COL28A1: variants seen among roughly 807,000 people sequenced by gnomAD.
The protein encoded by COL28A1 is collagen alpha-1(XXVIII) chain.
In COL28A1, 161 loss-of-function variants were observed where a neutral mutation model predicts 150.2. That is an observed-to-expected ratio of 1.07 (90% CI 0.94 to 1.22). The LOEUF (loss-of-function observed/expected upper bound fraction) is 1.22. Ranked by LOEUF, COL28A1 falls within the 50% of genes most tolerant of loss-of-function variation. The probability of loss-of-function intolerance (pLI) is 0.00; values close to 1 mark genes in which losing one functional copy is unlikely to be tolerated. For missense variants in COL28A1, 1,617 were observed against 1,388.3 expected (o/e 1.16, Z -2.62); for synonymous variants, 552 against 469.7 (o/e 1.18, Z -2.26).
rs1295770317 is a variant in COL28A1 at position 7,373,418 on chromosome 7, G to C, written c.2488C>G (p.Leu830Val). The C allele has an allele frequency of 6.2e-7, 1 of 1,614,142 alleles. No individual in the cohort carries two copies. The highest frequency in any genetic ancestry group is 1.7e-5 in the Admixed American group (1 of 60,016). ...FVKTMADRVA[L>V]DLATARIGII... is the part of the protein sequence containing the mutation. ...CCTATGCGGGCCGTGGCAAGGTCCAGAGCAACCCGGTCAGCCATAGTCTTC... is the reference window on the plus strand; with the variant it reads ...CCTATGCGGGCCGTGGCAAGGTCCACAGCAACCCGGTCAGCCATAGTCTTC... Residue 830 changes from leucine to valine, a missense_variant, in exon 32 of 35, where the codon CTG becomes GTG. Coordinates refer to ENST00000399429, the MANE Select transcript of COL28A1 (RefSeq NM_001037763.3). The surrounding 1 kb of genome is among the most constrained non-coding windows in gnomAD (Gnocchi z 4.1).
At chr7:7,432,450 C>A (rs773236684) in intron 25 of COL28A1, 23 bp downstream of exon 25, 2 of 1,607,594 alleles carry the variant, frequency 1.2e-6, no homozygotes, top group Admixed American at 1.7e-5. Flanking sequence ...GAAGCTAGTA[C>A]GTTGCCTACT....
the COL28A1 span, among the ~76,000 whole-genome samples, chr7:7,543,310 C>T: frequency 6.6e-6 from 1 of 152,188 alleles, no homozygotes; most frequent in Non-Finnish European, 1.5e-5. Flanking sequence ...TGCATTGAAA[C>T]TTCATTTGTT....
At chr7:7,485,262 T>C (rs1481869083) in intron 13 of COL28A1, among the ~76,000 whole-genome samples, 1 of 152,232 alleles carries the variant, frequency 6.6e-6, no homozygotes, top group Non-Finnish European at 1.5e-5. Flanking sequence ...TGTGTATATA[T>C]GCTTGAGATA....
chr7:7,501,111 C>T (rs1780498218), intron 11 of COL28A1, among the ~76,000 whole-genome samples: 1 of 152,090 alleles, frequency 6.6e-6, no homozygotes, highest in Non-Finnish European at 1.5e-5. Flanking sequence ...TTAAATTGAA[C>T]ATAAAGTAAG....
At chr7:7,435,062 G>C (rs1785244569) in intron 23 of COL28A1, among the ~76,000 whole-genome samples, 1 of 152,172 alleles carries the variant, frequency 6.6e-6, no homozygotes, top group African/African-American at 2.4e-5. Context: ...TATCATTAGA[G>C]TCCAGGGGAG....
rs141031764 is a variant in COL28A1 at position 7,459,650 on chromosome 7, C to T, written c.1303-3538G>A. Among the ~76,000 whole-genome samples, 709 of 152,320 alleles carry T rather than the reference C, an allele frequency of 4.7e-3. 5 individuals carry two copies. Among genetic ancestry groups the T allele is most frequent in the East Asian group, 0.022 (115 of 5,182 alleles). On this transcript the variant is annotated intron_variant, in intron 15 of 34. Coordinates refer to ENST00000399429, the MANE Select transcript of COL28A1 (RefSeq NM_001037763.3). ...ATGGCTGTATCAGCCTCTAGTAGCT[C>T]CTATCACCAGCTCCATTCCCATTTC...
rs568469914 is a variant in COL28A1, at chr7:7,491,146, A to T, written c.1027-500T>A. On this transcript the variant is annotated intron_variant, in intron 11 of 34. Transcript: ENST00000399429. ...CTTTCTCAGCTTTCCTTCCCTGCTG[A>T]TAAACCCCCAATTGAGTCAGTCAGT... Among the ~76,000 whole-genome samples, 13 of 152,234 alleles carry T rather than the reference A, an allele frequency of 8.5e-5. No individual in the cohort carries two copies. The South Asian group carries it at 2.7e-3, about 32-fold the overall frequency.
At chr7:7,432,337 A>G in intron 25 of COL28A1, 136 bp downstream of exon 25, 2 of 670,910 alleles carry the variant, frequency 3.0e-6, no homozygotes, top group Non-Finnish European at 5.2e-6. Flanking sequence ...AAGTCTATAG[A>G]TAAGGGCAAA....
In COL28A1 at chr7:7,419,965, C is replaced by T. The variant is rs909939432; in HGVS notation, c.1999-12G>A. 1.9e-6 allele frequency: 3 copies of T among 1,555,444 alleles called. No homozygotes were observed. Among genetic ancestry groups the T allele is most frequent in the Non-Finnish European group, 2.6e-6 (3 of 1,152,898 alleles). On this transcript the variant is annotated splice_polypyrimidine_tract_variant and intron_variant, in intron 25 of 34. Coordinates refer to ENST00000399429, the MANE Select transcript of COL28A1 (RefSeq NM_001037763.3). The stretch of plus-strand genomic sequence containing the variant: ...ACCCCAGGCTCTCCCTGAAAAGACA[C>T]AACAAATAACAAGTTACTAATTTTT...
chr7:7,489,445 G>T lies in COL28A1; in HGVS notation c.1108C>A (p.Gln370Lys). ...GQQGIKGERG[Q>K]EGRPGAPGPI... Reference sequence around the variant, plus strand: ...CCTGGAGCTCCCGGTCTTCCTTCTTGGCCTCTTTCTCCCTAAGAGAAAGAA... The same window carrying T: ...CCTGGAGCTCCCGGTCTTCCTTCTTTGCCTCTTTCTCCCTAAGAGAAAGAA... Residue 370 changes from glutamine to lysine, a missense_variant, in exon 13 of 35, where the codon CAA becomes AAA. Coordinates refer to ENST00000399429, the MANE Select transcript of COL28A1 (RefSeq NM_001037763.3). The T allele has an allele frequency of 1.4e-6, 2 of 1,400,264 alleles. No individual in the cohort carries two copies. Among genetic ancestry groups the T allele is most frequent in the Non-Finnish European group, 2.0e-6 (2 of 984,694 alleles). The allele number at this position is 1,400,264 out of a possible 1,614,324, so 86.7% of individuals were successfully genotyped here.
intron 27 of COL28A1, among the ~76,000 whole-genome samples, chr7:7,413,103 CA>C (rs767766983): frequency 1.3e-5 from 2 of 152,158 alleles, no homozygotes; most frequent in African/African-American, 2.4e-5. Flanking sequence ...ACTGTGTGAC[CA>C]CTGCAGTCAT....
intron 11 of COL28A1, among the ~76,000 whole-genome samples, chr7:7,491,231 T>C (rs899604961): frequency 1.3e-5 from 2 of 152,228 alleles, no homozygotes; most frequent in African/African-American, 2.4e-5. Flanking sequence ...TAATGCAAGA[T>C]GGGAATCTCC....
chr7:7,529,390 T>A (rs1053106313), intron 3 of COL28A1, among the ~76,000 whole-genome samples: 2 of 152,090 alleles, frequency 1.3e-5, no homozygotes, highest in East Asian at 3.8e-4. Flanking sequence ...AATAAGCACT[T>A]TGGATCCTGT....
At chr7:7,490,693 T>C (rs1419243723) in intron 11 of COL28A1, 47 bp from the exon 12 acceptor site, 2 of 841,924 alleles carry the variant, frequency 2.4e-6, no homozygotes, top group Non-Finnish European at 4.1e-6. Flanking sequence ...GTCGACTCAA[T>C]AGTATTGACT....
intron 17 of COL28A1, 144 bp downstream of exon 17, chr7:7,453,296 G>A (rs2128331067): frequency 1.6e-6 from 1 of 643,256 alleles, no homozygotes. Context: ...AAATTGTCAG[G>A]AATATCAGTA....
chr7:7,535,505 G>A (rs185051696), intron 1 of COL28A1, among the ~76,000 whole-genome samples: 35 of 152,028 alleles, frequency 2.3e-4, no homozygotes, highest in African/African-American at 8.0e-4. Context: ...TATTAACATC[G>A]TTGTAAAACA....
intron 15 of COL28A1, among the ~76,000 whole-genome samples, chr7:7,471,471 C>A (rs920212124): frequency 6.6e-6 from 1 of 152,140 alleles, no homozygotes; most frequent in Non-Finnish European, 1.5e-5. Flanking sequence ...AAATCCTTAA[C>A]AAAATACTAG....
At chr7:7,420,093 A>T (rs972319577) in intron 25 of COL28A1, 140 bp from the exon 26 acceptor site, 2 of 447,754 alleles carry the variant, frequency 4.5e-6, no homozygotes, top group Admixed American at 8.1e-5. Flanking sequence ...TCACTTTTCT[A>T]TTACCACCTA....
At chr7:7,397,652 A>G (rs1391844426) in intron 27 of COL28A1, among the ~76,000 whole-genome samples, 3 of 152,186 alleles carry the variant, frequency 2.0e-5, no homozygotes, top group Admixed American at 2.0e-4. Flanking sequence ...AGTAGTCCAC[A>G]CTTCTCAGGC....
Sources: gnomAD v4.1 joint callset for allele counts (sites outside exome capture counted in the v4.1 genomes callset) on GRCh38, gnomAD v4.1.1 for gene constraint, Gnocchi (gnomAD v3.1) non-coding constraint, MANE v1.5 for transcripts, NCBI Gene and HGNC (gene_info 2026-07-23, HGNC 2026-07-21) for gene names.